Variants in LINGO2 observed in about 807,000 individuals in gnomAD.
LINGO2 encodes the protein leucine rich repeat and Ig domain containing 2.
Under a neutral mutation model 30.6 loss-of-function variants are expected in LINGO2, and 14 were observed. The observed-to-expected ratio is 0.46, with a 90% CI of 0.30 to 0.72. The LOEUF (loss-of-function observed/expected upper bound fraction) is 0.72, where lower values mean the gene tolerates loss of function less well. LINGO2 is among the 30% of genes least tolerant of loss of function. The pLI, the probability that LINGO2 is intolerant of heterozygous loss-of-function variation, is 0.07. For synonymous variants in LINGO2, 317 were observed against 288.5 expected (o/e 1.10, Z -1.00); for missense variants, 729 against 751.7 (o/e 0.97, Z 0.35).
the LINGO2 span, among the ~76,000 whole-genome samples, chr9:28,972,926 G>A: frequency 6.6e-6 from 1 of 152,088 alleles, no homozygotes; most frequent in African/African-American, 2.4e-5. Context: ...CACAACACGT[G>A]GGGATTATGA....
At chr9:28,695,227 C>T in the LINGO2 span, among the ~76,000 whole-genome samples, 1 of 151,854 alleles carries the variant, frequency 6.6e-6, no homozygotes, top group African/African-American at 2.4e-5. Flanking sequence ...TTAGTATATT[C>T]ATTCCAATTT....
At chr9:28,482,869 T>C (rs1397760412) in intron 1 of LINGO2, among the ~76,000 whole-genome samples, 1 of 152,078 alleles carries the variant, frequency 6.6e-6, no homozygotes, top group Non-Finnish European at 1.5e-5. Flanking sequence ...GACTTAAACG[T>C]TAGACCTAAA....
intron 2 of LINGO2, among the ~76,000 whole-genome samples, chr9:28,390,179 C>T (rs10812795): frequency 0.7 from 106,084 of 152,098 alleles, 37,706 homozygotes; most frequent in Non-Finnish European, 0.76. Context: ...ATTGCTTCCA[C>T]GGTTTCTGCC....
At chr9:28,762,215 T>C in the LINGO2 span, among the ~76,000 whole-genome samples, 1 of 152,200 alleles carries the variant, frequency 6.6e-6, no homozygotes, top group African/African-American at 2.4e-5. Context: ...TCCATTTTAA[T>C]TGTACTATTT....
chr9:28,354,163 T>G (rs1820053069), intron 3 of LINGO2, among the ~76,000 whole-genome samples: 1 of 151,862 alleles, frequency 6.6e-6, no homozygotes, highest in Non-Finnish European at 1.5e-5. Context: ...AAAAAAAAAA[T>G]GCTGTTCACG....
At chr9:28,815,906 C>T in the LINGO2 span, among the ~76,000 whole-genome samples, 6 of 152,106 alleles carry the variant, frequency 3.9e-5, no homozygotes, top group African/African-American at 1.4e-4. Flanking sequence ...GCTGCTAGAA[C>T]GGAATACCAC....
chr9:29,149,434 T>TCGAGAGAAAACAC, the LINGO2 span, among the ~76,000 whole-genome samples: 2 of 151,612 alleles, frequency 1.3e-5, no homozygotes, highest in Non-Finnish European at 2.9e-5. Flanking sequence ...AACAGATATT[T>TCGAGAGAAAACAC]CAAGAGAAAA....
At chr9:28,384,138 G>A (rs1043027395) in intron 2 of LINGO2, among the ~76,000 whole-genome samples, 4 of 151,402 alleles carry the variant, frequency 2.6e-5, no homozygotes, top group African/African-American at 7.3e-5. Flanking sequence ...TAGACAATTT[G>A]AAAATTGCAT....
At chr9:29,086,989 C>T in the LINGO2 span, among the ~76,000 whole-genome samples, 1 of 151,568 alleles carries the variant, frequency 6.6e-6, no homozygotes, top group Admixed American at 6.6e-5. Context: ...AATTCTTCTG[C>T]CTCAGCCTCC....
chr9:28,296,806 G>A (rs750375385), intron 3 of LINGO2, among the ~76,000 whole-genome samples: 11 of 152,194 alleles, frequency 7.2e-5, no homozygotes, highest in South Asian at 2.1e-4. Flanking sequence ...ACACACACAC[G>A]TCTAAAATTT....
intron 4 of LINGO2, among the ~76,000 whole-genome samples, chr9:28,286,985 A>G (rs1447656884): frequency 6.6e-6 from 1 of 152,172 alleles, no homozygotes; most frequent in Admixed American, 6.5e-5. Flanking sequence ...TAGAAGTGTG[A>G]TGTTAGCACA....
At chr9:29,183,874 G>C in the LINGO2 span, among the ~76,000 whole-genome samples, 1 of 150,356 alleles carries the variant, frequency 6.7e-6, no homozygotes, top group South Asian at 2.1e-4. Flanking sequence ...TCAGTCTTCC[G>C]TTCACACTGC....
chr9:29,007,039 G>A, the LINGO2 span, among the ~76,000 whole-genome samples: 1 of 152,064 alleles, frequency 6.6e-6, no homozygotes, highest in Non-Finnish European at 1.5e-5. Context: ...TATTAAGCAT[G>A]CCTACTGAGG....
intron 1 of LINGO2, among the ~76,000 whole-genome samples, chr9:28,552,158 C>T (rs879476491): frequency 6.6e-6 from 1 of 151,852 alleles, no homozygotes; most frequent in Non-Finnish European, 1.5e-5. Context: ...AAATCAAGCC[C>T]TCCTGATAAA....
intron 3 of LINGO2, among the ~76,000 whole-genome samples, chr9:28,365,319 T>C (rs1317335970): frequency 1.3e-5 from 2 of 151,970 alleles, no homozygotes; most frequent in Admixed American, 6.6e-5. Context: ...CTGGGCCAGA[T>C]TGTGAAAAAT....
intron 1 of LINGO2, among the ~76,000 whole-genome samples, chr9:28,583,525 C>T (rs1429159896): frequency 6.6e-6 from 1 of 152,040 alleles, no homozygotes; most frequent in Non-Finnish European, 1.5e-5. Context: ...GTAAGCAAAA[C>T]TGTTTCTGAT....
intron 2 of LINGO2, among the ~76,000 whole-genome samples, chr9:28,456,695 C>A (rs774258381): frequency 1.3e-5 from 2 of 152,046 alleles, no homozygotes; most frequent in Non-Finnish European, 2.9e-5. Context: ...TTTTCTGACA[C>A]GCATGACACA....
At chr9:28,417,219 G>A (rs1222806766) in intron 2 of LINGO2, among the ~76,000 whole-genome samples, 1 of 152,180 alleles carries the variant, frequency 6.6e-6, no homozygotes. Flanking sequence ...GACATGAAAT[G>A]GGCAGGGAGG....
intron 2 of LINGO2, among the ~76,000 whole-genome samples, chr9:28,433,799 T>C (rs1823779021): frequency 6.6e-6 from 1 of 151,674 alleles, no homozygotes; most frequent in Non-Finnish European, 1.5e-5. Context: ...GGAAAACAAA[T>C]CATTATATGA....
Sources: allele counts gnomAD v4.1 joint callset (sites outside exome capture counted in the v4.1 genomes callset), GRCh38; gene constraint gnomAD v4.1.1; transcripts MANE v1.5; gene names NCBI Gene and HGNC (gene_info 2026-07-23, HGNC 2026-07-21).